The following CNOT2 variants were observed in gnomAD, a reference collection of about 807,000 sequenced individuals.
CNOT2 encodes CCR4-NOT transcription complex subunit 2.
A neutral mutation model predicts 72.1 loss-of-function variants in CNOT2; 7 were observed. That is an observed-to-expected ratio of 0.10 (90% CI 0.06 to 0.18). The LOEUF is 0.18. Ranked by LOEUF, CNOT2 falls within the 10% of genes least tolerant of loss-of-function variation. The pLI is 1.00. For synonymous variants in CNOT2, 196 were observed against 225.6 expected (o/e 0.87, Z 1.17); for missense variants, 345 against 660.3 (o/e 0.52, Z 5.23).
intron 1 of CNOT2, among the ~76,000 whole-genome samples, chr12:70,246,938 A>G (rs977130695): frequency 1.3e-5 from 2 of 152,210 alleles, no homozygotes; most frequent in African/African-American, 4.8e-5. Context: ...GTGCTGCATT[A>G]TAAAGTAATA....
At chr12:70,254,778 C>T (rs934085113) in intron 1 of CNOT2, among the ~76,000 whole-genome samples, 4 of 151,756 alleles carry the variant, frequency 2.6e-5, no homozygotes, top group African/African-American at 4.8e-5. Context: ...TTTAGGAGTT[C>T]AAGATCAGCC....
rs995849230 is a variant in CNOT2 at position 70,354,774 on chromosome 12, G to C, written c.*859G>C. The C allele has an allele frequency of 1.3e-5, 2 of 152,532 alleles. No individual in the cohort carries two copies. The highest frequency in any genetic ancestry group is 2.9e-5 in the Non-Finnish European group (2 of 68,016). 9.4% of individuals were successfully genotyped at this position (152,532 alleles called of 1,614,324 possible). ...GACATTCTGGAACTGCTGGTCAGGG[G>C]ACTTTGTCGCCCTGTGCACTAAAAG... On this transcript the variant is annotated 3_prime_UTR_variant, in exon 16 of 16. Transcript: ENST00000229195.
chr12:70,300,316 T>A (rs964118262), intron 2 of CNOT2, among the ~76,000 whole-genome samples: 6 of 152,218 alleles, frequency 3.9e-5, no homozygotes, highest in African/African-American at 9.7e-5. Context: ...CTGAATGGTA[T>A]TGCCTAGGTT....
chr12:70,335,371 T>C (rs987219314), intron 7 of CNOT2, 67 bp from the exon 8 acceptor site: 31 of 1,179,098 alleles, frequency 2.6e-5, no homozygotes, highest in Non-Finnish European at 3.9e-5. Context: ...TATATTATGG[T>C]TGGTTTTTAT....
chr12:70,280,004 A>G (rs1000450362), intron 2 of CNOT2, among the ~76,000 whole-genome samples: 4 of 152,126 alleles, frequency 2.6e-5, no homozygotes, highest in African/African-American at 9.7e-5. Context: ...TTGATACATA[A>G]TTGTACGTAT....
At chr12:70,281,451 GCCT>G (rs1869830541) in intron 2 of CNOT2, among the ~76,000 whole-genome samples, 1 of 152,080 alleles carries the variant, frequency 6.6e-6, no homozygotes, top group Non-Finnish European at 1.5e-5. Context: ...CCAAATTCTG[GCCT>G]CCTTACATCC....
chr12:70,265,439 A>G (rs1357734000), intron 1 of CNOT2, among the ~76,000 whole-genome samples: 1 of 151,058 alleles, frequency 6.6e-6, no homozygotes, highest in Non-Finnish European at 1.5e-5. Flanking sequence ...TGCTGATTTT[A>G]TTTTTATAGA....
At chr12:70,294,218 C>T in intron 2 of CNOT2, 1 of 1,289,410 alleles carries the variant, frequency 7.8e-7, no homozygotes, top group Non-Finnish European at 1.0e-6. Context: ...ACCCTCCAAC[C>T]TTTCCTTCTT....
intron 2 of CNOT2, among the ~76,000 whole-genome samples, chr12:70,284,662 A>ATGAAG (rs1234905750): frequency 6.1e-4 from 92 of 150,872 alleles, no homozygotes; most frequent in African/African-American, 2.1e-3. Context: ...AGTTAAATGA[A>ATGAAG]TTCCCAAGTT....
At chr12:70,321,917 GGTCTTCAGTTC>G (rs1878362263) in intron 4 of CNOT2, 1 of 151,648 alleles carries the variant, frequency 6.6e-6, no homozygotes, top group Non-Finnish European at 1.5e-5. Flanking sequence ...AGACCTGTAT[GGTCTTCAGTTC>G]TAGTATAGTA....
chr12:70,293,650 T>C (rs531148529), intron 2 of CNOT2, among the ~76,000 whole-genome samples: 6 of 152,304 alleles, frequency 3.9e-5, no homozygotes, highest in South Asian at 4.1e-4. Flanking sequence ...ATCAGAGTTA[T>C]GTGTAGGTTT....
intron 2 of CNOT2, chr12:70,307,801 A>G (rs1875694523): frequency 6.6e-6 from 1 of 151,778 alleles, no homozygotes; most frequent in Non-Finnish European, 1.5e-5. Flanking sequence ...TCACCACCCT[A>G]TTAGGCCATC....
intron 8 of CNOT2, 96 bp downstream of exon 8, chr12:70,335,659 T>C: frequency 1.2e-6 from 1 of 851,752 alleles, no homozygotes; most frequent in East Asian, 2.5e-5. Flanking sequence ...CTTGTGTGTG[T>C]ACACATGTAT....
At chr12:70,269,822 A>G (rs1959182227) in intron 1 of CNOT2, among the ~76,000 whole-genome samples, 1 of 152,192 alleles carries the variant, frequency 6.6e-6, no homozygotes, top group African/African-American at 2.4e-5. Context: ...CAGTCAAAAG[A>G]CTGAAGATTT....
At position 70,278,226 on chromosome 12, in the gene CNOT2, T is replaced by C. The variant is rs779969072; in HGVS notation, c.-1T>C. The C allele has an allele frequency of 1.2e-6, 2 of 1,611,072 alleles. No individual in the cohort carries two copies. Among genetic ancestry groups the C allele is most frequent in the Non-Finnish European group, 1.7e-6 (2 of 1,177,334 alleles). On this transcript the variant is annotated 5_prime_UTR_variant, in exon 2 of 16. Transcript: ENST00000229195. ...GTACTGTGAGGAAAGGACACGACTC[T>C]ATGGTGAGGACTGATGGACATACAT...
chr12:70,323,948 T>G (rs1878689729), intron 4 of CNOT2: 1 of 151,782 alleles, frequency 6.6e-6, no homozygotes, highest in Admixed American at 6.6e-5. Context: ...TTGAATATTA[T>G]CTACTGTGTA....
At chr12:70,336,421 GT>G (rs1316555051) in intron 8 of CNOT2, 1 of 151,952 alleles carries the variant, frequency 6.6e-6, no homozygotes, top group East Asian at 1.9e-4. Context: ...TTATCACATA[GT>G]TTTTTTCTTT....
chr12:70,334,503 C>T (rs949335425), intron 7 of CNOT2: 3 of 151,750 alleles, frequency 2.0e-5, no homozygotes, highest in Non-Finnish European at 4.4e-5. Context: ...TTGGAGAAAA[C>T]TAAAAATTAA....
chr12:70,319,184 A>C (rs1877874687), intron 3 of CNOT2, 114 bp from the exon 4 acceptor site: 2 of 791,758 alleles, frequency 2.5e-6, no homozygotes, highest in African/African-American at 3.5e-5. Context: ...TTTTCTGAAG[A>C]ATGAGAAAAT....
Sources: allele counts gnomAD v4.1 joint callset (sites outside exome capture counted in the v4.1 genomes callset), GRCh38; gene constraint gnomAD v4.1.1; transcripts MANE v1.5; gene names NCBI Gene and HGNC (gene_info 2026-07-23, HGNC 2026-07-21).